Variants in THAP6 observed in about 807,000 individuals in gnomAD.
The protein encoded by THAP6 is THAP domain containing 6.
Under a neutral mutation model 20.0 loss-of-function variants are expected in THAP6, and 13 were observed. The ratio of observed to expected loss-of-function variants is 0.65; its 90% CI spans 0.42 to 1.03. The LOEUF (loss-of-function observed/expected upper bound fraction) is 1.03. Among genes scored for constraint, THAP6 ranks in the 50% least tolerant of loss-of-function variants. The probability of loss-of-function intolerance (pLI) is 0.00; values close to 1 mark genes in which losing one functional copy is unlikely to be tolerated. For missense variants in THAP6, 262 were observed against 261.6 expected (o/e 1.00, Z -0.01); for synonymous variants, 93 against 92.2 (o/e 1.01, Z -0.05).
At chr4:75,514,257 G>A, upstream of THAP6, 1 of 1,612,762 alleles carries the variant, frequency 6.2e-7, no homozygotes, top group Non-Finnish European at 8.5e-7. Flanking sequence ...CTTGACCGCT[G>A]GCGCCATCTT....
At chr4:75,514,874 C>G (rs1725436367) in intron 1 of THAP6, 1 of 157,200 alleles carries the variant, frequency 6.4e-6, no homozygotes, top group Non-Finnish European at 1.4e-5. Context: ...TGCCAGTCAC[C>G]AGCTAAACCG....
chr4:75,546,197 G>A (rs889586877), intron 3 of THAP6, among the ~76,000 whole-genome samples: 3 of 152,192 alleles, frequency 2.0e-5, no homozygotes, highest in East Asian at 3.8e-4. Context: ...AGGAAAGAGG[G>A]AAAGAGAGAC....
chr4:75,516,344 T>C (rs1190493088), intron 2 of THAP6, among the ~76,000 whole-genome samples: 1 of 152,240 alleles, frequency 6.6e-6, no homozygotes, highest in African/African-American at 2.4e-5. Flanking sequence ...AATGCTGTAC[T>C]AAGCAATTTT....
At chr4:75,516,605 A>T (rs1725657966) in intron 2 of THAP6, among the ~76,000 whole-genome samples, 167 bp from the exon 3 acceptor site, 1 of 152,240 alleles carries the variant, frequency 6.6e-6, no homozygotes, top group Non-Finnish European at 1.5e-5. Flanking sequence ...TGAATATTAA[A>T]ACGGAAAGTA....
downstream of THAP6, among the ~76,000 whole-genome samples, chr4:75,531,436 T>G (rs1432061407): frequency 6.6e-6 from 1 of 152,234 alleles, no homozygotes; most frequent in African/African-American, 2.4e-5. Flanking sequence ...TGCTTCTTCT[T>G]TGTATCCTTT....
At chr4:75,542,439 A>G (rs1341405853) in exon 3 of THAP6, 1 of 702,384 alleles carries the variant, frequency 1.4e-6, no homozygotes, top group Non-Finnish European at 2.6e-6. Flanking sequence ...ATGTTTGTTC[A>G]AGGCAAAAAA....
intron 2 of THAP6, among the ~76,000 whole-genome samples, chr4:75,535,071 T>G (rs1726812572): frequency 6.6e-6 from 1 of 152,214 alleles, no homozygotes; most frequent in African/African-American, 2.4e-5. Context: ...CAAAGGATTA[T>G]AAATCAGGCT....
intron 4 of THAP6, among the ~76,000 whole-genome samples, chr4:75,524,727 C>T (rs879455785): frequency 1.1e-4 from 16 of 151,578 alleles, no homozygotes; most frequent in Non-Finnish European, 2.1e-4. Flanking sequence ...TTTTTCTTTG[C>T]TTTTAAGAAT....
intron 2 of THAP6, among the ~76,000 whole-genome samples, chr4:75,541,966 A>C (rs1057238644): frequency 1.8e-4 from 27 of 152,288 alleles, no homozygotes; most frequent in Admixed American, 7.2e-4. Flanking sequence ...AAAAAAAAAA[A>C]AAAAGAAAAT....
chr4:75,530,285 G>A (rs1726639067), downstream of THAP6, among the ~76,000 whole-genome samples: 1 of 152,296 alleles, frequency 6.6e-6, no homozygotes. Context: ...GCATTCCTAG[G>A]TGTGAAATAT....
In THAP6 at chr4:75,527,270, A is replaced by T; in HGVS notation, c.*56A>T. 2.6e-6 allele frequency: 4 copies of T among 1,564,992 alleles called. No homozygotes were observed. Among genetic ancestry groups the T allele is most frequent in the Non-Finnish European group, 2.6e-6 (3 of 1,155,850 alleles). On this transcript the variant is annotated 3_prime_UTR_variant, in exon 5 of 5. Transcript: ENST00000311638. ...TGTCATTGGTACAAATTTTTATAAA[A>T]TCTCATTTACCATCACTAAATAATA...
intron 3 of THAP6, chr4:75,542,720 G>C (rs1207400149): frequency 1.9e-5 from 7 of 361,866 alleles, no homozygotes; most frequent in Admixed American, 4.4e-5. Context: ...AGAGACTTTT[G>C]TTTTGTTTTG....
intron 4 of THAP6, among the ~76,000 whole-genome samples, chr4:75,523,420 T>G (rs896087768): frequency 2.6e-5 from 4 of 152,204 alleles, no homozygotes; most frequent in African/African-American, 4.8e-5. Flanking sequence ...CTTTGTTGAT[T>G]GTTTCCTTTG....
At chr4:75,531,911 C>G (rs1726692956), downstream of THAP6, among the ~76,000 whole-genome samples, 3 of 152,044 alleles carry the variant, frequency 2.0e-5, no homozygotes, top group South Asian at 6.2e-4. Flanking sequence ...GTCCCTCCCA[C>G]AACACATGGG....
At chr4:75,536,325 G>A (rs1210233732) in intron 2 of THAP6, among the ~76,000 whole-genome samples, 3 of 152,096 alleles carry the variant, frequency 2.0e-5, no homozygotes, top group Non-Finnish European at 4.4e-5. Context: ...TTAGCCAGGT[G>A]TGGTGGTGCA....
chr4:75,531,318 A>C (rs1271498666), downstream of THAP6, among the ~76,000 whole-genome samples: 1 of 152,196 alleles, frequency 6.6e-6, no homozygotes, highest in Non-Finnish European at 1.5e-5. Flanking sequence ...ACAGTTCAGC[A>C]CTATAAGACT....
chr4:75,519,643 A>G (rs1051459814), intron 3 of THAP6, among the ~76,000 whole-genome samples: 14 of 151,970 alleles, frequency 9.2e-5, no homozygotes, highest in African/African-American at 3.1e-4. Flanking sequence ...CCATGTCCCT[A>G]CAAAGGACAT....
rs531689782 is a variant in THAP6 at position 75,517,251 on chromosome 4, C to T, written c.288+272C>T. ...CAGGCTGGTCTTGAACTCCTGACCT[C>T]GTGATCCACCCTCCTCGGCGTCCCA... On this transcript the variant is annotated intron_variant, in intron 3 of 4. Transcript: ENST00000311638. The T allele has an allele frequency of 3.3e-4, 95 of 285,916 alleles. 1 individual carries two copies. In the South Asian group the frequency reaches 5.4e-3, roughly 16 times the overall value. 17.7% of individuals were successfully genotyped at this position (285,916 alleles called of 1,614,324 possible). A position where few individuals can be genotyped will look rare whatever the true frequency, so the allele number is the denominator to read the frequency against.
intron 4 of THAP6, among the ~76,000 whole-genome samples, chr4:75,524,329 A>G (rs1251429077): frequency 1.3e-5 from 2 of 152,188 alleles, no homozygotes; most frequent in Non-Finnish European, 2.9e-5. Flanking sequence ...TAAACAGTAA[A>G]TTATTCTTTA....
Sources: allele counts gnomAD v4.1 joint callset (sites outside exome capture counted in the v4.1 genomes callset), GRCh38; gene constraint gnomAD v4.1.1; transcripts MANE v1.5; gene names NCBI Gene and HGNC (gene_info 2026-07-23, HGNC 2026-07-21).